Variants in BBS4 observed in about 807,000 individuals in gnomAD.
The protein encoded by BBS4 is Bardet-Biedl syndrome 4, also known as BBSome complex member BBS4.
In BBS4, 58 loss-of-function variants were observed where a neutral mutation model predicts 71.4. The observed-to-expected ratio is 0.81, with a 90% CI of 0.66 to 1.01. The LOEUF is 1.01. Ranked by LOEUF, BBS4 falls within the 50% of genes least tolerant of loss-of-function variation. BBS4 has a pLI of 0.00. For synonymous variants in BBS4, 228 were observed against 216.8 expected (o/e 1.05, Z -0.46); for missense variants, 660 against 607.9 (o/e 1.09, Z -0.90).
chr15:72,711,429 G>A (rs903103331), intron 3 of BBS4, among the ~76,000 whole-genome samples: 1 of 152,118 alleles, frequency 6.6e-6, no homozygotes, highest in Non-Finnish European at 1.5e-5. Flanking sequence ...GATTACATGC[G>A]TGAGCCACCG....
intron 6 of BBS4, among the ~76,000 whole-genome samples, chr15:72,720,130 A>T (rs1243764042): frequency 1.3e-5 from 2 of 150,296 alleles, no homozygotes; most frequent in Non-Finnish European, 3.0e-5. Flanking sequence ...AATGATTTTG[A>T]ATTTTACTTT....
At chr15:72,716,965 T>A in intron 6 of BBS4, 115 bp downstream of exon 6, 1 of 775,486 alleles carries the variant, frequency 1.3e-6, no homozygotes, top group Non-Finnish European at 2.2e-6. Context: ...GATTTTAACC[T>A]CATACTTAAT....
Position 72,715,335 on chromosome 15 carries a change from C to T in BBS4, c.265C>T (p.Leu89Phe), listed in dbSNP as rs1437557232. 1.2e-6 allele frequency: 2 copies of T among 1,614,010 alleles called. No homozygotes were observed. Among genetic ancestry groups the T allele is most frequent in the Non-Finnish European group, 1.7e-6 (2 of 1,179,914 alleles). ...AGGAAATATCCAAGAATCCCTAGAA[C>T]TCTTCCAGACATGTGCAGTTCTTAG... Reference protein sequence around the residue: ...LEGNIQESLELFQTCAVLSPQ... With the variant: ...LEGNIQESLEFFQTCAVLSPQ... The change falls in exon 5 of 16, where the codon CTC becomes TTC. Residue 89 changes from leucine to phenylalanine, a missense_variant. By Grantham distance (22) the Leu-to-Phe change is conservative. Coordinates refer to ENST00000268057, the MANE Select transcript of BBS4 (RefSeq NM_033028.5).
chr15:72,729,759 A>G (rs2151044210), intron 10 of BBS4, 75 bp downstream of exon 10: 2 of 1,282,860 alleles, frequency 1.6e-6, no homozygotes, highest in Non-Finnish European at 2.3e-6. Context: ...GACCCTGGAA[A>G]GCAAAGGAAT....
chr15:72,714,706 C>T (rs933528251), intron 4 of BBS4, among the ~76,000 whole-genome samples: 4 of 152,164 alleles, frequency 2.6e-5, no homozygotes, highest in African/African-American at 7.2e-5. Flanking sequence ...TTTAGGACAT[C>T]ATGGCAAAAA....
chr15:72,725,554 T>G (rs916511001), intron 8 of BBS4, among the ~76,000 whole-genome samples: 2 of 152,176 alleles, frequency 1.3e-5, no homozygotes, highest in African/African-American at 4.8e-5. Context: ...ACAGATCTTC[T>G]GTTTTCAGAG....
chr15:72,687,138 A>ATTTTTTTTTTTTTTTTTTTTTTTTT, intron 1 of BBS4, among the ~76,000 whole-genome samples: 1 of 1,388 alleles, frequency 7.2e-4, no homozygotes, highest in African/African-American at 9.2e-4. Context: ...TTTTTTTGAG[A>ATTTTTTTTTTTTTTTTTTTTTTTTT]CGGAGTGTCG....
At chr15:72,732,773 C>T (rs2065850211) in intron 12 of BBS4, among the ~76,000 whole-genome samples, 1 of 152,196 alleles carries the variant, frequency 6.6e-6, no homozygotes, top group South Asian at 2.1e-4. Context: ...GGGGAAGCAC[C>T]AGGTCAATCA....
Position 72,715,314 on chromosome 15 carries a change from A to G in BBS4, c.244A>G (p.Asn82Asp), listed in dbSNP as rs769366320. Residue 82 changes from asparagine (N) to aspartate (D), a missense_variant, in exon 5 of 16, where the codon AAT becomes GAT. Transcript: ENST00000268057. Reference protein sequence around the residue: ...VQALIFRLEGNIQESLELFQT... With the variant: ...VQALIFRLEGDIQESLELFQT... ...AGCATTGATATTTCGCCTAGAAGGA[A>G]ATATCCAAGAATCCCTAGAACTCTT... 6.2e-7 allele frequency: 1 copy of G among 1,613,338 alleles called. No homozygotes were observed. Among genetic ancestry groups the G allele is most frequent in the Non-Finnish European group, 8.5e-7 (1 of 1,179,366 alleles).
intron 8 of BBS4, among the ~76,000 whole-genome samples, chr15:72,725,136 C>T (rs536051545): frequency 4.6e-4 from 70 of 151,828 alleles, no homozygotes; most frequent in Non-Finnish European, 3.5e-4. Flanking sequence ...ACACAGCTCA[C>T]TGCAGCCTCA....
In BBS4 at chr15:72,737,738, T is replaced by C; in HGVS notation, c.*151T>C. ...GAGCCAGCAGTTGAGCCTAAGGTCC[T>C]TCTACCTACCTGGTATTGGCATTTG... On this transcript the variant is annotated 3_prime_UTR_variant, in exon 16 of 16. Transcript: ENST00000268057. 1 of 696,594 alleles carries C rather than the reference T, an allele frequency of 1.4e-6. No individual in the cohort carries two copies. The highest frequency in any genetic ancestry group is 1.5e-5 in the South Asian group (1 of 66,966). The allele number at this position is 696,594 out of a possible 1,614,324, so 43.2% of individuals were successfully genotyped here.
intron 7 of BBS4, among the ~76,000 whole-genome samples, chr15:72,723,647 A>G (rs1175706889): frequency 6.6e-6 from 1 of 152,206 alleles, no homozygotes; most frequent in Non-Finnish European, 1.5e-5. Flanking sequence ...TGGTGTGAAA[A>G]AAAATATGCA....
intron 14 of BBS4, among the ~76,000 whole-genome samples, chr15:72,736,484 C>T (rs144344070): frequency 0.015 from 2,296 of 152,188 alleles, 28 homozygotes; most frequent in South Asian, 0.026. Flanking sequence ...TCGTGATCCA[C>T]GTGCCCAGCC....
At chr15:72,702,868 C>T (rs1357969053) in intron 2 of BBS4, among the ~76,000 whole-genome samples, 2 of 128,702 alleles carry the variant, frequency 1.6e-5, no homozygotes, top group Admixed American at 1.9e-4. Flanking sequence ...AGTGCAGTGG[C>T]GGGATCTCGG....
At chr15:72,688,411 C>CTTTTTTTTTTTTTTTTTTCTTTTTT (rs2064916327) in intron 1 of BBS4, among the ~76,000 whole-genome samples, 1 of 83,052 alleles carries the variant, frequency 1.2e-5, no homozygotes, top group Non-Finnish European at 2.1e-5. Context: ...GGTATTTTAT[C>CTTTTTTTTTTTTTTTTTTCTTTTTT]TTTTTTTTTT....
intron 1 of BBS4, among the ~76,000 whole-genome samples, chr15:72,693,684 A>G (rs2065025564): frequency 6.6e-6 from 1 of 152,200 alleles, no homozygotes; most frequent in Admixed American, 6.5e-5. Flanking sequence ...AAATGTAAAA[A>G]TCATTCGTAG....
rs375768856 is a variant in BBS4 at position 72,689,935 on chromosome 15, G to A, written c.24+3684G>A. Among the ~76,000 whole-genome samples, 22 of 151,926 alleles carry A rather than the reference G, an allele frequency of 1.4e-4. No individual in the cohort carries two copies. The East Asian group carries it at 2.3e-3, about 16-fold the overall frequency. On this transcript the variant is annotated intron_variant, in intron 1 of 15. Coordinates refer to ENST00000268057, the MANE Select transcript of BBS4 (RefSeq NM_033028.5). ...ACGCCATTCTCCAGCCTGAGCCTCCGGAGTAGCTGGGACTACAGGCGCCTG... is the reference window on the plus strand; with the variant it reads ...ACGCCATTCTCCAGCCTGAGCCTCCAGAGTAGCTGGGACTACAGGCGCCTG...
Position 72,710,195 on chromosome 15 carries a change from G to GT in BBS4, c.156+441dup, listed in dbSNP as rs66684005. ...TAGATGAAAAATGGTATTTTGTCGA[G>GT]TTTTTTTTTTTTTTTTTTTTTTTTT... On this transcript the variant is annotated intron_variant, in intron 3 of 15. Transcript: ENST00000268057. Among the ~76,000 whole-genome samples the GT allele has an allele frequency of 1.4e-3, 148 of 103,386 alleles. 2 individuals carry two copies. The highest frequency in any genetic ancestry group is 5.1e-3 in the African/African-American group (138 of 27,190). The allele number at this position is 103,386 out of a possible 152,430, so 67.8% of individuals were successfully genotyped here.
chr15:72,708,455 G>GT (rs2065304988), intron 2 of BBS4, among the ~76,000 whole-genome samples: 1 of 151,954 alleles, frequency 6.6e-6, no homozygotes, highest in African/African-American at 2.4e-5. Flanking sequence ...TGTTATCTTC[G>GT]TAAGCTGAGG....
Sources: gnomAD v4.1 joint callset for allele counts (sites outside exome capture counted in the v4.1 genomes callset) on GRCh38, gnomAD v4.1.1 for gene constraint, MANE v1.5 for transcripts, NCBI Gene and HGNC (gene_info 2026-07-23, HGNC 2026-07-21) for gene names.